The following SAMMSON variants were observed in gnomAD, a reference collection of about 807,000 sequenced individuals.
SAMMSON encodes the protein survival associated mitochondrial melanoma specific oncogenic non-coding RNA.
chr3:70,243,508 C>CT (rs1701679849), intron 4 of SAMMSON, among the ~76,000 whole-genome samples: 1 of 152,100 alleles, frequency 6.6e-6, no homozygotes, highest in African/African-American at 2.4e-5. Flanking sequence ...CGTTTTTTGG[C>CT]TTTAAGTGTA....
chr3:70,055,706 A>G (rs555397213), intron 3 of SAMMSON, among the ~76,000 whole-genome samples: 14 of 152,258 alleles, frequency 9.2e-5, no homozygotes, highest in African/African-American at 3.4e-4. Context: ...TAAATTCTAA[A>G]TAATGTGTTG....
chr3:70,002,708 C>G, intron 1 of SAMMSON, among the ~76,000 whole-genome samples: 1 of 152,070 alleles, frequency 6.6e-6, no homozygotes, highest in East Asian at 1.9e-4. Context: ...AATTTAGTTG[C>G]TAGAGGTCAG....
intron 4 of SAMMSON, chr3:70,072,251 T>G (rs2067232728): frequency 6.6e-6 from 1 of 151,992 alleles, no homozygotes; most frequent in Non-Finnish European, 1.5e-5. Context: ...AAACAATTAG[T>G]GAAGTCTAAG....
At chr3:70,139,204 C>T (rs1350167942) in intron 4 of SAMMSON, among the ~76,000 whole-genome samples, 1 of 152,050 alleles carries the variant, frequency 6.6e-6, no homozygotes, top group Non-Finnish European at 1.5e-5. Flanking sequence ...ACCCAGATAA[C>T]TTTTAAATTT....
At chr3:70,379,609 CTCAA>C (rs1327443810) in intron 9 of SAMMSON, among the ~76,000 whole-genome samples, 1 of 152,130 alleles carries the variant, frequency 6.6e-6, no homozygotes, top group African/African-American at 2.4e-5. Flanking sequence ...CTCTTCACTG[CTCAA>C]TCAGTCATTG....
At chr3:70,315,265 T>C (rs1015500819) in intron 7 of SAMMSON, among the ~76,000 whole-genome samples, 1 of 152,174 alleles carries the variant, frequency 6.6e-6, no homozygotes, top group African/African-American at 2.4e-5. Context: ...CATTTTTCTC[T>C]GCTTGGCCTC....
At chr3:70,151,850 A>G (rs1381766533) in intron 4 of SAMMSON, among the ~76,000 whole-genome samples, 2 of 152,078 alleles carry the variant, frequency 1.3e-5, no homozygotes, top group Non-Finnish European at 2.9e-5. Context: ...ACATAAGTGA[A>G]TTGTTTCTCA....
intron 1 of SAMMSON, among the ~76,000 whole-genome samples, chr3:70,006,816 G>A (rs1209935263): frequency 9.6e-6 from 1 of 104,434 alleles, no homozygotes; most frequent in East Asian, 2.9e-4. Flanking sequence ...CCCCACAACA[G>A]GCCCCGGTGT....
chr3:70,195,561 C>G (rs1701167965), intron 4 of SAMMSON, among the ~76,000 whole-genome samples: 1 of 152,080 alleles, frequency 6.6e-6, no homozygotes, highest in African/African-American at 2.4e-5. Context: ...CTGAAATTAC[C>G]TAAGTCAGGA....
intron 7 of SAMMSON, among the ~76,000 whole-genome samples, chr3:70,306,990 T>G (rs545722970): frequency 1.9e-4 from 29 of 152,174 alleles, no homozygotes; most frequent in African/African-American, 3.6e-4. Context: ...TATTTATATA[T>G]ATAGAGAGAG....
chr3:70,282,450 A>G (rs960116018), intron 6 of SAMMSON, among the ~76,000 whole-genome samples: 3 of 152,228 alleles, frequency 2.0e-5, no homozygotes, highest in African/African-American at 7.2e-5. Flanking sequence ...ATGGAAATTT[A>G]AAGTCATATC....
intron 7 of SAMMSON, among the ~76,000 whole-genome samples, chr3:70,341,201 C>T (rs1439142800): frequency 1.3e-5 from 2 of 151,964 alleles, no homozygotes; most frequent in East Asian, 1.9e-4. Flanking sequence ...AAGTCACTCC[C>T]CTTCTTCAGC....
intron 9 of SAMMSON, among the ~76,000 whole-genome samples, chr3:70,380,813 G>A (rs768924887): frequency 3.3e-5 from 5 of 151,838 alleles, no homozygotes; most frequent in Non-Finnish European, 5.9e-5. Context: ...TTGTCCTTGC[G>A]ATAGTTTGCT....
chr3:70,131,240 C>T (rs2067481285), intron 4 of SAMMSON, among the ~76,000 whole-genome samples: 1 of 152,164 alleles, frequency 6.6e-6, no homozygotes, highest in Non-Finnish European at 1.5e-5. Context: ...ATAGAGCATT[C>T]TCAGGATAGC....
chr3:70,023,162 A>G (rs1373633270), intron 3 of SAMMSON, among the ~76,000 whole-genome samples: 1 of 152,094 alleles, frequency 6.6e-6, no homozygotes, highest in Non-Finnish European at 1.5e-5. Flanking sequence ...TAGGAATCTT[A>G]TATGTTTCTT....
chr3:70,250,328 C>T (rs998199816), intron 6 of SAMMSON, among the ~76,000 whole-genome samples: 4 of 151,192 alleles, frequency 2.6e-5, no homozygotes, highest in Non-Finnish European at 4.4e-5. Context: ...CTATTGCCAG[C>T]GACATTTTTT....
chr3:70,303,976 C>T (rs900130634), intron 7 of SAMMSON, among the ~76,000 whole-genome samples: 1 of 152,198 alleles, frequency 6.6e-6, no homozygotes, highest in African/African-American at 2.4e-5. Context: ...AGCCATCATG[C>T]CCAGCCTGAT....
At chr3:70,285,947 T>C (rs556748210) in intron 6 of SAMMSON, among the ~76,000 whole-genome samples, 1 of 151,654 alleles carries the variant, frequency 6.6e-6, no homozygotes, top group African/African-American at 2.4e-5. Context: ...CATTGTAGAT[T>C]CTGGATATTA....
chr3:70,116,454 G>A (rs768520573), intron 4 of SAMMSON, among the ~76,000 whole-genome samples: 7 of 151,806 alleles, frequency 4.6e-5, no homozygotes, highest in East Asian at 3.9e-4. Context: ...GCAAGATTCC[G>A]CAATGCAAAG....
Sources: gnomAD v4.1 joint callset for allele counts (sites outside exome capture counted in the v4.1 genomes callset) on GRCh38, gnomAD v4.1.1 for gene constraint, MANE v1.5 for transcripts, NCBI Gene and HGNC (gene_info 2026-07-23, HGNC 2026-07-21) for gene names.